ZBTB7C: variants seen among roughly 807,000 people sequenced by gnomAD.
ZBTB7C encodes the protein zinc finger and BTB domain containing 7C.
Under a neutral mutation model 25.7 loss-of-function variants are expected in ZBTB7C, and 8 were observed. The ratio of observed to expected loss-of-function variants is 0.31; its 90% CI spans 0.18 to 0.56. ZBTB7C has a LOEUF of 0.56. Among genes scored for constraint, ZBTB7C ranks in the 20% least tolerant of loss-of-function variants. The pLI is 0.91. For synonymous variants in ZBTB7C, 394 were observed against 369.0 expected, an observed-to-expected ratio of 1.07 and a Z score of -0.78; for missense variants, 824 against 855.2, an observed-to-expected ratio of 0.96 and a Z score of 0.46.
chr18:48,309,221 A>T (rs2045753394), intron 2 of ZBTB7C, among the ~76,000 whole-genome samples: 2 of 152,222 alleles, frequency 1.3e-5, no homozygotes, highest in Non-Finnish European at 2.9e-5. Context: ...GGAGACCACT[A>T]GTCTCCATTA....
chr18:48,389,230 CTCTCTCGTGTGTGTGTGT>C (rs2047830403), intron 1 of ZBTB7C, among the ~76,000 whole-genome samples: 4 of 78,774 alleles, frequency 5.1e-5, no homozygotes, highest in Non-Finnish European at 9.7e-5. Flanking sequence ...CTCTCTCTCT[CTCTCTCGTGTGTGTGTGT>C]GTGTGTGTGT....
chr18:48,394,027 T>C (rs2047961944), intron 1 of ZBTB7C, among the ~76,000 whole-genome samples: 1 of 152,150 alleles, frequency 6.6e-6, no homozygotes, highest in African/African-American at 2.4e-5. Context: ...AATGCTACAG[T>C]GGATTTTGAA....
chr18:48,089,220 GCAC>G (rs2038312954), intron 3 of ZBTB7C, among the ~76,000 whole-genome samples: 1 of 152,130 alleles, frequency 6.6e-6, no homozygotes, highest in Non-Finnish European at 1.5e-5. Context: ...TGTAATCCTA[GCAC>G]TTTGGGAGGC....
At chr18:48,375,096 T>C (rs1276647334) in intron 1 of ZBTB7C, among the ~76,000 whole-genome samples, 1 of 152,246 alleles carries the variant, frequency 6.6e-6, no homozygotes, top group African/African-American at 2.4e-5. Flanking sequence ...GGAAGGAAGC[T>C]AGAAGGAGAC....
chr18:48,065,268 A>G (rs2037282868), intron 3 of ZBTB7C, among the ~76,000 whole-genome samples: 1 of 152,202 alleles, frequency 6.6e-6, no homozygotes, highest in Non-Finnish European at 1.5e-5. Flanking sequence ...TTTGAGTGAC[A>G]TAAATGTTGG....
chr18:48,136,832 C>A (rs1280807228), intron 3 of ZBTB7C, among the ~76,000 whole-genome samples: 1 of 152,098 alleles, frequency 6.6e-6, no homozygotes, highest in Admixed American at 6.5e-5. Context: ...CAGCCAGAGC[C>A]GCCCCGCGGC....
At chr18:48,110,946 C>G (rs1349201642) in intron 3 of ZBTB7C, among the ~76,000 whole-genome samples, 1 of 152,180 alleles carries the variant, frequency 6.6e-6, no homozygotes, top group Non-Finnish European at 1.5e-5. Context: ...GACAGAGTTA[C>G]AATCAATGAG....
Position 48,124,036 on chromosome 18 carries a change from T to C in ZBTB7C, c.-17+61898A>G, listed in dbSNP as rs145552556. Among the ~76,000 whole-genome samples the C allele has an allele frequency of 2.0e-3, 306 of 152,330 alleles. 1 individual carries two copies. The highest frequency in any genetic ancestry group is 7.0e-3 in the African/African-American group (291 of 41,568). On this transcript the variant is annotated intron_variant, in intron 3 of 4. Coordinates refer to ENST00000590800, the MANE Select transcript of ZBTB7C (RefSeq NM_001318841.2). ...ATATGCCAATTAAGGCAAAGCTCTC[T>C]GTGAGGAATCATTTGAGTTGTCAAG...
At chr18:48,162,405 A>ATT (rs1357511126) in intron 3 of ZBTB7C, 1 of 456,694 alleles carries the variant, frequency 2.2e-6, no homozygotes, top group Non-Finnish European at 4.4e-6. Flanking sequence ...CATCTGTAAA[A>ATT]TTGAGATAGT....
chr18:48,331,161 G>A (rs1052106558), intron 2 of ZBTB7C, among the ~76,000 whole-genome samples: 1 of 152,022 alleles, frequency 6.6e-6, no homozygotes, highest in Non-Finnish European at 1.5e-5. Flanking sequence ...TTTCCCGAAG[G>A]ACAGGGAACT....
intron 3 of ZBTB7C, among the ~76,000 whole-genome samples, chr18:48,151,847 T>C (rs574867807): frequency 6.6e-6 from 1 of 152,234 alleles, no homozygotes; most frequent in East Asian, 1.9e-4. Flanking sequence ...CTCCACATCC[T>C]CCCTGGGCCT....
Position 48,266,810 on chromosome 18 carries a change from T to C in ZBTB7C, c.-79+71364A>G, listed in dbSNP as rs971621002. Reference sequence around the variant, plus strand: ...TAATGTTACAGGTAGCTATATAGAATGGATTTTTTTTTTTTAGTTTTATGT... The same window carrying C: ...TAATGTTACAGGTAGCTATATAGAACGGATTTTTTTTTTTTAGTTTTATGT... On this transcript the variant is annotated intron_variant, in intron 2 of 4. Coordinates refer to ENST00000590800, the MANE Select transcript of ZBTB7C (RefSeq NM_001318841.2). Among the ~76,000 whole-genome samples the C allele has an allele frequency of 4.0e-5, 6 of 151,766 alleles. No homozygotes were observed. In the South Asian group the frequency reaches 1.0e-3, roughly 26 times the overall value.
chr18:48,041,435 G>C (rs1479879150), intron 3 of ZBTB7C: 1 of 985,322 alleles, frequency 1.0e-6, no homozygotes, highest in Non-Finnish European at 1.2e-6. Context: ...CCAACATGCA[G>C]TTGCAGAATA....
intron 3 of ZBTB7C, among the ~76,000 whole-genome samples, chr18:48,059,602 C>T (rs938784796): frequency 6.6e-6 from 1 of 152,192 alleles, no homozygotes; most frequent in Non-Finnish European, 1.5e-5. Flanking sequence ...GCTGTCACTT[C>T]TTACTACACT....
chr18:48,382,751 A>G (rs2047661171), intron 1 of ZBTB7C, among the ~76,000 whole-genome samples: 1 of 152,224 alleles, frequency 6.6e-6, no homozygotes, highest in Non-Finnish European at 1.5e-5. Flanking sequence ...TCCAGCTAAC[A>G]CTTAAATTCT....
chr18:48,032,141 TCTCA>T (rs1375734531), intron 4 of ZBTB7C, among the ~76,000 whole-genome samples: 1 of 151,958 alleles, frequency 6.6e-6, no homozygotes, highest in African/African-American at 2.4e-5. Flanking sequence ...TGAGACAGAG[TCTCA>T]CTCTGTTGCC....
In ZBTB7C at chr18:48,032,422, G is replaced by GTTTTTT. The variant is rs71165309; in HGVS notation, c.1209-2517_1209-2512dup. Reference sequence around the variant, plus strand: ...GAGCCACTGTGCCCGGACAAGGTAGGTTTTTTTTTTTTTTTTTTTTTTTTT... The same window carrying GTTTTTT: ...GAGCCACTGTGCCCGGACAAGGTAGGTTTTTTTTTTTTTTTTTTTTTTTTTTTTTTT... On this transcript the variant is annotated intron_variant, in intron 4 of 4. Coordinates refer to ENST00000590800, the MANE Select transcript of ZBTB7C (RefSeq NM_001318841.2). 3.8e-3 allele frequency among the ~76,000 whole-genome samples: 247 copies of GTTTTTT among 65,094 alleles called. 26 individuals are homozygous for GTTTTTT. Among genetic ancestry groups the GTTTTTT allele is most frequent in the African/African-American group, 0.015 (231 of 15,766 alleles). 42.7% of individuals were successfully genotyped at this position (65,094 alleles called of 152,430 possible).
chr18:48,104,640 C>T (rs573523605), intron 3 of ZBTB7C, among the ~76,000 whole-genome samples: 140 of 152,284 alleles, frequency 9.2e-4, no homozygotes, highest in African/African-American at 3.1e-3. Flanking sequence ...ATTTGGTAAT[C>T]GTTAGCTGTA....
At chr18:48,132,996 A>C (rs8085875) in intron 3 of ZBTB7C, among the ~76,000 whole-genome samples, 2 of 152,268 alleles carry the variant, frequency 1.3e-5, no homozygotes, top group Non-Finnish European at 2.9e-5. Context: ...GACATAGATC[A>C]TGTGCCGTAT....
Sources: allele counts gnomAD v4.1 joint callset (sites outside exome capture counted in the v4.1 genomes callset), GRCh38; gene constraint gnomAD v4.1.1; transcripts MANE v1.5; gene names NCBI Gene and HGNC (gene_info 2026-07-23, HGNC 2026-07-21).